CNTN5: variants seen among roughly 807,000 people sequenced by gnomAD.
CNTN5 encodes contactin-5.
A neutral mutation model predicts 129.1 loss-of-function variants in CNTN5; 77 were observed. The observed-to-expected ratio is 0.60, with a 90% CI of 0.50 to 0.72. The LOEUF (loss-of-function observed/expected upper bound fraction) is 0.72. CNTN5 is among the 30% of genes least tolerant of loss of function. The probability of loss-of-function intolerance (pLI) is 0.00; values close to 1 mark genes in which losing one functional copy is unlikely to be tolerated. For synonymous variants in CNTN5, 509 were observed against 465.6 expected (o/e 1.09, Z -1.20); for missense variants, 1,478 against 1,328.8 (o/e 1.11, Z -1.75).
intron 18 of CNTN5, among the ~76,000 whole-genome samples, chr11:100,288,760 G>C (rs1950869240): frequency 1.3e-5 from 2 of 151,742 alleles, no homozygotes; most frequent in African/African-American, 4.8e-5. Flanking sequence ...ACTAAAATCA[G>C]AGCAGAACTG....
intron 2 of CNTN5, among the ~76,000 whole-genome samples, chr11:99,390,234 C>A (rs1941188664): frequency 6.6e-6 from 1 of 151,890 alleles, no homozygotes; most frequent in African/African-American, 2.4e-5. Flanking sequence ...CCTACTGCCT[C>A]AAACTACTGA....
chr11:100,335,690 C>T (rs1952022407), intron 21 of CNTN5, among the ~76,000 whole-genome samples: 1 of 151,946 alleles, frequency 6.6e-6, no homozygotes. Context: ...ATCGCTTGAA[C>T]CCAGGAGCTG....
rs77392750 is a variant in CNTN5 at position 99,818,082 on chromosome 11, T to C, written c.56-1462T>C. 4.7e-3 allele frequency among the ~76,000 whole-genome samples: 721 copies of C among 152,302 alleles called. 10 individuals are homozygous for C. Among genetic ancestry groups the C allele is most frequent in the African/African-American group, 0.014 (577 of 41,546 alleles). Reference sequence around the variant, plus strand: ...TTGATGCTTAACACCTAAAGTGTTATTTTCAAATCATAGAAAAATGCTTTT... The same window carrying C: ...TTGATGCTTAACACCTAAAGTGTTACTTTCAAATCATAGAAAAATGCTTTT... On this transcript the variant is annotated intron_variant, in intron 3 of 24. Coordinates refer to ENST00000524871, the MANE Select transcript of CNTN5 (RefSeq NM_014361.4).
chr11:100,329,981 C>A (rs1328552968), intron 21 of CNTN5, among the ~76,000 whole-genome samples: 1 of 152,162 alleles, frequency 6.6e-6, no homozygotes, highest in African/African-American at 2.4e-5. Flanking sequence ...AAGATGAAAT[C>A]TCTGCATTGC....
chr11:99,618,875 T>TA (rs1288809822), intron 3 of CNTN5, among the ~76,000 whole-genome samples: 2 of 152,084 alleles, frequency 1.3e-5, no homozygotes, highest in Non-Finnish European at 2.9e-5. Flanking sequence ...AAATTAAAAA[T>TA]AAAAAATTTA....
rs1949153808 is a variant in CNTN5, at chr11:100,217,144, G to A, written c.1885-7548G>A. Among the ~76,000 whole-genome samples the A allele has an allele frequency of 2.0e-5, 3 of 152,250 alleles. No homozygotes were observed. In the South Asian group the frequency reaches 6.2e-4, roughly 32 times the overall value. On this transcript the variant is annotated intron_variant, in intron 15 of 24. Transcript: ENST00000524871. Reference sequence around the variant, plus strand: ...AAAACACATCACATTACAGCTGGTTGTTACCTCTAACATTGTGTTGTGAGT... The same window carrying A: ...AAAACACATCACATTACAGCTGGTTATTACCTCTAACATTGTGTTGTGAGT...
chr11:99,060,047 T>C (rs549772622), intron 1 of CNTN5, among the ~76,000 whole-genome samples: 1 of 152,186 alleles, frequency 6.6e-6, no homozygotes, highest in Non-Finnish European at 1.5e-5. Flanking sequence ...TATTGATATT[T>C]AACATGACAA....
chr11:100,043,689 C>A (rs1182986410), intron 9 of CNTN5, among the ~76,000 whole-genome samples: 1 of 152,018 alleles, frequency 6.6e-6, no homozygotes, highest in Non-Finnish European at 1.5e-5. Context: ...TTGCCTCCTG[C>A]AAAAATTGCC....
At chr11:99,870,045 A>G (rs1475664453) in intron 6 of CNTN5, among the ~76,000 whole-genome samples, 1 of 152,152 alleles carries the variant, frequency 6.6e-6, no homozygotes. Context: ...TGGTAGGCAC[A>G]CTAATACATG....
intron 1 of CNTN5, among the ~76,000 whole-genome samples, chr11:99,037,264 C>G (rs1863781698): frequency 6.6e-6 from 1 of 152,124 alleles, no homozygotes; most frequent in South Asian, 2.1e-4. Flanking sequence ...TCCAACATGT[C>G]AATAATTCTG....
chr11:99,265,677 A>G (rs1862851596), intron 1 of CNTN5, among the ~76,000 whole-genome samples: 2 of 151,928 alleles, frequency 1.3e-5, no homozygotes, highest in African/African-American at 2.4e-5. Flanking sequence ...GCCCCTTCCC[A>G]CCCAACTCAT....
At chr11:99,523,744 G>T (rs1947378616) in intron 2 of CNTN5, among the ~76,000 whole-genome samples, 1 of 151,770 alleles carries the variant, frequency 6.6e-6, no homozygotes, top group Non-Finnish European at 1.5e-5. Flanking sequence ...GTTTGTTTTT[G>T]TATCCTCGGT....
chr11:99,236,158 C>T (rs775865052), intron 1 of CNTN5, among the ~76,000 whole-genome samples: 9 of 151,972 alleles, frequency 5.9e-5, no homozygotes, highest in Non-Finnish European at 8.8e-5. Context: ...TAATATTTCC[C>T]GGTATACCAC....
intron 1 of CNTN5, among the ~76,000 whole-genome samples, chr11:99,068,976 C>T (rs1433802501): frequency 1.3e-5 from 2 of 151,988 alleles, no homozygotes; most frequent in Admixed American, 1.3e-4. Flanking sequence ...GTGTTAGCCA[C>T]AGTTCCAGGA....
At chr11:99,216,435 A>C (rs1217632019) in intron 1 of CNTN5, among the ~76,000 whole-genome samples, 1 of 152,092 alleles carries the variant, frequency 6.6e-6, no homozygotes, top group Non-Finnish European at 1.5e-5. Context: ...TATCTTGACT[A>C]TTGTGAATAG....
chr11:99,356,196 C>CG (rs1484765925), intron 2 of CNTN5, among the ~76,000 whole-genome samples: 1 of 152,076 alleles, frequency 6.6e-6, no homozygotes, highest in Admixed American at 6.6e-5. Context: ...CCACCCCCCC[C>CG]CAACCAAGTT....
chr11:100,007,382 A>T (rs1257163430), intron 9 of CNTN5, among the ~76,000 whole-genome samples: 1 of 152,096 alleles, frequency 6.6e-6, no homozygotes, highest in East Asian at 1.9e-4. Flanking sequence ...TCTTCTTTCA[A>T]AATAAGGCTG....
chr11:99,600,499 G>A (rs931163213), intron 3 of CNTN5, among the ~76,000 whole-genome samples: 12 of 152,136 alleles, frequency 7.9e-5, no homozygotes, highest in Non-Finnish European at 2.9e-5. Flanking sequence ...TTCAGCTGTT[G>A]CCTGAGTACA....
At chr11:99,759,992 G>C (rs1163831156) in intron 3 of CNTN5, among the ~76,000 whole-genome samples, 3 of 152,020 alleles carry the variant, frequency 2.0e-5, no homozygotes, top group South Asian at 4.2e-4. Flanking sequence ...CAGACACACA[G>C]AGTTTGAGAT....
Sources: gnomAD v4.1 joint callset for allele counts (sites outside exome capture counted in the v4.1 genomes callset) on GRCh38, gnomAD v4.1.1 for gene constraint, MANE v1.5 for transcripts, NCBI Gene and HGNC (gene_info 2026-07-23, HGNC 2026-07-21) for gene names.